Variants in MORN1 observed in about 807,000 individuals in gnomAD.
MORN1 encodes MORN repeat-containing protein 1.
Under a neutral mutation model 61.9 loss-of-function variants are expected in MORN1, and 67 were observed. The observed-to-expected ratio is 1.08, with a 90% CI of 0.89 to 1.33. The LOEUF (loss-of-function observed/expected upper bound fraction) is 1.33, where lower values mean the gene tolerates loss of function less well. Among genes scored for constraint, MORN1 ranks in the 40% most tolerant of loss-of-function variants. MORN1 has a pLI of 0.00. For missense variants in MORN1, 752 were observed against 691.2 expected (o/e 1.09, Z -0.99); for synonymous variants, 301 against 292.0 (o/e 1.03, Z -0.31).
At chr1:2,332,844 CAG>C in intron 12 of MORN1, 1 of 406,878 alleles carries the variant, frequency 2.5e-6, no homozygotes, top group Non-Finnish European at 5.0e-6. Context: ...CCCAGGGTCT[CAG>C]AGGGGCCCCC....
chr1:2,387,766 CG>C (rs1557895880), intron 3 of MORN1: 1 of 542,026 alleles, frequency 1.8e-6, no homozygotes, highest in Non-Finnish European at 3.3e-6. Flanking sequence ...GCATCTATCC[CG>C]AGGGCAAAGG....
chr1:2,323,019 T>C (rs888649028), intron 13 of MORN1: 99 of 985,294 alleles, frequency 1.0e-4, no homozygotes, highest in Non-Finnish European at 1.1e-4. Flanking sequence ...CCTTCGCTCC[T>C]CACCCCCAGG....
intron 12 of MORN1, among the ~76,000 whole-genome samples, chr1:2,326,892 G>T (rs1456022841): frequency 6.6e-6 from 1 of 152,212 alleles, no homozygotes; most frequent in Non-Finnish European, 1.5e-5. Flanking sequence ...AGCGACCCGG[G>T]CCTCACCCAG....
chr1:2,379,785 T>C lies in MORN1; in HGVS notation c.537+5193A>G, dbSNP rs1642329516. 4.6e-5 allele frequency among the ~76,000 whole-genome samples: 7 copies of C among 152,320 alleles called. No individual in the cohort carries two copies. In the South Asian group the frequency reaches 1.5e-3, roughly 32 times the overall value. ...GGGGAGGAACTGGAACTGTGTGCAC[T>C]GTGGGCAGGAAGGTAAAAGGGTGAG... On this transcript the variant is annotated intron_variant, in intron 6 of 13. Coordinates refer to ENST00000378531, the MANE Select transcript of MORN1 (RefSeq NM_024848.3).
Position 2,381,767 on chromosome 1 carries a change from A to C in MORN1, c.537+3211T>G, listed in dbSNP as rs923163819. 2.6e-4 allele frequency among the ~76,000 whole-genome samples: 39 copies of C among 152,288 alleles called. 1 individual carries two copies. The highest frequency in any genetic ancestry group is 2.4e-3 in the Admixed American group (37 of 15,308). On this transcript the variant is annotated intron_variant, in intron 6 of 13. Coordinates refer to ENST00000378531, the MANE Select transcript of MORN1 (RefSeq NM_024848.3). Reference sequence around the variant, plus strand: ...GCCGCTTGGGGGCCCGGCTCTCAGGAGTACCCAGCCAGCCCTTGGGCCCAG... The same window carrying C: ...GCCGCTTGGGGGCCCGGCTCTCAGGCGTACCCAGCCAGCCCTTGGGCCCAG...
chr1:2,352,462 CAT>C (rs1641670926), intron 10 of MORN1: 1 of 152,594 alleles, frequency 6.6e-6, no homozygotes, highest in Non-Finnish European at 1.5e-5. Context: ...AAAGTAGCCA[CAT>C]CTCATCCTAA....
chr1:2,335,834 A>AGCCCGGCCCGGCCCG (rs893953785), intron 12 of MORN1, among the ~76,000 whole-genome samples: 4 of 143,018 alleles, frequency 2.8e-5, no homozygotes, highest in African/African-American at 1.2e-4. Flanking sequence ...TCCATAGCCC[A>AGCCCGGCCCGGCCCG]GCCCAGCCCA....
chr1:2,380,194 A>G (rs1019051905), intron 6 of MORN1, among the ~76,000 whole-genome samples: 1 of 152,228 alleles, frequency 6.6e-6, no homozygotes, highest in Non-Finnish European at 1.5e-5. Context: ...ACAAACACAC[A>G]GTGGAACAGT....
At chr1:2,348,953 A>C (rs1641590895) in intron 10 of MORN1, among the ~76,000 whole-genome samples, 2 of 151,944 alleles carry the variant, frequency 1.3e-5, no homozygotes, top group South Asian at 4.1e-4. Flanking sequence ...CACACCCCTG[A>C]GTGCCAGCCC....
At chr1:2,323,636 C>G (rs1194048902) in intron 13 of MORN1, 1 of 985,148 alleles carries the variant, frequency 1.0e-6, no homozygotes, top group South Asian at 4.7e-5. Flanking sequence ...TCGCTGCACC[C>G]CTCCTTGCTG....
chr1:2,355,566 T>A, intron 10 of MORN1: 1 of 1,314,938 alleles, frequency 7.6e-7, no homozygotes, highest in Non-Finnish European at 1.1e-6. Context: ...GTGGCCCTGG[T>A]GGCGGAGGCT....
intron 12 of MORN1, among the ~76,000 whole-genome samples, chr1:2,335,348 C>T (rs1641242268): frequency 6.6e-6 from 1 of 152,186 alleles, no homozygotes; most frequent in South Asian, 2.1e-4. Flanking sequence ...GCGGCCCCGG[C>T]ACACTCACAC....
chr1:2,330,988 C>G (rs557968908), intron 12 of MORN1, among the ~76,000 whole-genome samples: 2 of 152,250 alleles, frequency 1.3e-5, no homozygotes, highest in Non-Finnish European at 2.9e-5. Context: ...TTCCGTAACA[C>G]GCCTGGAATG....
intron 12 of MORN1, among the ~76,000 whole-genome samples, chr1:2,326,903 G>C (rs2100227835): frequency 6.6e-6 from 1 of 152,340 alleles, no homozygotes; most frequent in Non-Finnish European, 1.5e-5. Context: ...CCTCACCCAG[G>C]GTCTGTGTGT....
At chr1:2,385,232 G>A (rs970575586) in intron 5 of MORN1, 167 bp from the exon 6 acceptor site, 1 of 662,352 alleles carries the variant, frequency 1.5e-6, no homozygotes, top group Non-Finnish European at 2.6e-6. Context: ...CCAGCTGGGG[G>A]CCGACGACAG....
chr1:2,366,973 TACATAGAAAAATACATAGAAAAAC>T (rs1328157005), intron 8 of MORN1, among the ~76,000 whole-genome samples: 4 of 149,108 alleles, frequency 2.7e-5, no homozygotes, highest in Non-Finnish European at 4.5e-5. Context: ...CATAGAAAAA[TACATAGAAAAATACATAGAAAAAC>T]ACATAGAAAA....
At chr1:2,332,404 CCT>C (rs1641176978) in intron 12 of MORN1, 4 of 353,154 alleles carry the variant, frequency 1.1e-5, no homozygotes, top group Non-Finnish European at 1.7e-5. Context: ...AGGAATGCTC[CCT>C]GTCCTTGGTC....
At chr1:2,325,308 T>G (rs1346267852) in intron 12 of MORN1, among the ~76,000 whole-genome samples, 2 of 148,908 alleles carry the variant, frequency 1.3e-5, no homozygotes, top group African/African-American at 5.0e-5. Flanking sequence ...CTCTCTCTTT[T>G]TCTCTCCTTT....
chr1:2,341,859 C>G (rs577313738), intron 10 of MORN1, among the ~76,000 whole-genome samples: 1 of 152,360 alleles, frequency 6.6e-6, no homozygotes, highest in Admixed American at 6.5e-5. Context: ...CCCGCCAGCC[C>G]GAGTGGGCCT....
Sources: gnomAD v4.1 joint callset for allele counts (sites outside exome capture counted in the v4.1 genomes callset) on GRCh38, gnomAD v4.1.1 for gene constraint, MANE v1.5 for transcripts, NCBI Gene and HGNC (gene_info 2026-07-23, HGNC 2026-07-21) for gene names.